The following DPP10 variants were observed in gnomAD, a reference collection of about 807,000 sequenced individuals.
DPP10 encodes the protein inactive dipeptidyl peptidase 10.
A neutral mutation model predicts 120.9 loss-of-function variants in DPP10; 33 were observed. That is an observed-to-expected ratio of 0.27 (90% CI 0.21 to 0.37). The LOEUF (loss-of-function observed/expected upper bound fraction) is 0.37. DPP10 is among the 10% of genes least tolerant of loss of function. The pLI, the probability that DPP10 is intolerant of heterozygous loss-of-function variation, is 1.00. For synonymous variants in DPP10, 337 were observed against 326.1 expected (o/e 1.03, Z -0.36); for missense variants, 816 against 942.8 (o/e 0.87, Z 1.76).
chr2:114,902,348 G>T (rs1024117361), intron 1 of DPP10, among the ~76,000 whole-genome samples: 1 of 152,022 alleles, frequency 6.6e-6, no homozygotes, highest in Non-Finnish European at 1.5e-5. Flanking sequence ...TTGCTACTGT[G>T]CTTCAATGCT....
intron 3 of DPP10, among the ~76,000 whole-genome samples, chr2:115,384,567 A>AGAG (rs2066738669): frequency 1.3e-5 from 2 of 149,070 alleles, no homozygotes; most frequent in Non-Finnish European, 3.0e-5. Flanking sequence ...AGGAAGAAGA[A>AGAG]GAAGAAGAGG....
intron 1 of DPP10, among the ~76,000 whole-genome samples, chr2:115,229,684 GTTCTCCTA>G (rs896266782): frequency 7.2e-6 from 1 of 139,424 alleles, no homozygotes; most frequent in African/African-American, 2.7e-5. Flanking sequence ...TTGTTTCTGA[GTTCTCCTA>G]TTCTATTCTA....
intron 1 of DPP10, among the ~76,000 whole-genome samples, chr2:114,529,300 C>T (rs1685760523): frequency 1.3e-5 from 2 of 152,178 alleles, no homozygotes; most frequent in South Asian, 4.1e-4. Flanking sequence ...GGACAACCCA[C>T]TATTTTTCCC....
Position 114,669,829 on chromosome 2 carries a change from A to G in DPP10, c.60+226991A>G, listed in dbSNP as rs575241048. On this transcript the variant is annotated intron_variant, in intron 1 of 25. Transcript: ENST00000410059. ...ATATAAATTTAAGTCACCTCCTTTC[A>G]TCAACATTAGGCTTTTCCTAGTCAG... 1.3e-4 allele frequency among the ~76,000 whole-genome samples: 20 copies of G among 152,204 alleles called. 1 individual carries two copies. The highest frequency in any genetic ancestry group is 3.6e-4 in the African/African-American group (15 of 41,538).
chr2:115,158,770 G>C (rs1014304882), intron 1 of DPP10, among the ~76,000 whole-genome samples: 1 of 152,052 alleles, frequency 6.6e-6, no homozygotes. Flanking sequence ...ACATGAAAAA[G>C]TATTCAAAAT....
intron 1 of DPP10, among the ~76,000 whole-genome samples, chr2:115,058,075 G>A (rs1163424587): frequency 1.3e-5 from 2 of 152,144 alleles, no homozygotes; most frequent in Non-Finnish European, 2.9e-5. Flanking sequence ...CGGGGCTTAG[G>A]AGATTTCCCA....
chr2:114,997,972 T>C (rs551510636), intron 1 of DPP10, among the ~76,000 whole-genome samples: 18 of 152,360 alleles, frequency 1.2e-4, no homozygotes, highest in Non-Finnish European at 2.2e-4. Context: ...TTAAATAATT[T>C]TGTGCATGAA....
chr2:114,555,595 C>T (rs1688225165), intron 1 of DPP10, among the ~76,000 whole-genome samples: 1 of 152,104 alleles, frequency 6.6e-6, no homozygotes, highest in Non-Finnish European at 1.5e-5. Context: ...ATGCTGCAGG[C>T]CCTTTTCTAG....
chr2:115,379,379 C>T (rs556919285), intron 3 of DPP10, among the ~76,000 whole-genome samples: 5 of 152,220 alleles, frequency 3.3e-5, no homozygotes, highest in Admixed American at 6.5e-5. Context: ...GTTTGTATTT[C>T]TGTGGGATCG....
chr2:115,048,888 T>C (rs915063108), intron 1 of DPP10, among the ~76,000 whole-genome samples: 1 of 152,174 alleles, frequency 6.6e-6, no homozygotes, highest in Non-Finnish European at 1.5e-5. Flanking sequence ...TTCATTATGT[T>C]TCTCCCTATT....
chr2:115,312,980 T>G (rs2061644228), intron 2 of DPP10, among the ~76,000 whole-genome samples: 1 of 152,066 alleles, frequency 6.6e-6, no homozygotes, highest in Non-Finnish European at 1.5e-5. Flanking sequence ...TCCCAGCACT[T>G]TGGGAGGCCG....
At chr2:114,671,728 A>T (rs1013744943) in intron 1 of DPP10, among the ~76,000 whole-genome samples, 3 of 152,048 alleles carry the variant, frequency 2.0e-5, no homozygotes, top group African/African-American at 7.2e-5. Context: ...TAAACATAAT[A>T]TGTAAGGGCT....
At chr2:115,224,472 A>G (rs2057335922) in intron 1 of DPP10, among the ~76,000 whole-genome samples, 1 of 152,126 alleles carries the variant, frequency 6.6e-6, no homozygotes, top group African/African-American at 2.4e-5. Context: ...TATAAGCGAG[A>G]TATTATTCAC....
chr2:114,570,790 A>G (rs905901819), intron 1 of DPP10, among the ~76,000 whole-genome samples: 6 of 147,942 alleles, frequency 4.1e-5, no homozygotes, highest in Non-Finnish European at 5.9e-5. Flanking sequence ...CAGAGCTTGC[A>G]CCACTGCACT....
At chr2:115,523,128 C>T (rs1019396247) in intron 4 of DPP10, among the ~76,000 whole-genome samples, 1 of 152,060 alleles carries the variant, frequency 6.6e-6, no homozygotes, top group Admixed American at 6.6e-5. Context: ...AGAGAAGATT[C>T]AGCAGCTTGG....
chr2:115,644,168 A>G (rs931735816), intron 5 of DPP10, among the ~76,000 whole-genome samples: 1 of 151,798 alleles, frequency 6.6e-6, no homozygotes, highest in Non-Finnish European at 1.5e-5. Context: ...AAATATATAT[A>G]TATTTTTATT....
intron 1 of DPP10, among the ~76,000 whole-genome samples, chr2:114,629,485 G>A (rs1452025866): frequency 3.3e-5 from 5 of 152,114 alleles, no homozygotes; most frequent in Admixed American, 2.0e-4. Flanking sequence ...GGTCGTTAAC[G>A]GGTAATGTAT....
intron 1 of DPP10, among the ~76,000 whole-genome samples, chr2:115,012,805 G>C (rs1296916559): frequency 6.6e-6 from 1 of 152,134 alleles, no homozygotes; most frequent in Non-Finnish European, 1.5e-5. Flanking sequence ...ACCAGCAATA[G>C]ATCCAAAGCA....
At chr2:114,987,438 A>T (rs1418859927) in intron 1 of DPP10, among the ~76,000 whole-genome samples, 4 of 152,156 alleles carry the variant, frequency 2.6e-5, no homozygotes, top group Non-Finnish European at 5.9e-5. Context: ...ATAACTTCAT[A>T]TAATTTCACC....
Sources: allele counts gnomAD v4.1 joint callset (sites outside exome capture counted in the v4.1 genomes callset), GRCh38; gene constraint gnomAD v4.1.1; transcripts MANE v1.5; gene names NCBI Gene and HGNC (gene_info 2026-07-23, HGNC 2026-07-21).